CUL5: variants seen among roughly 807,000 people sequenced by gnomAD.
CUL5 encodes the protein cullin 5, also known as cullin-5.
A neutral mutation model predicts 108.8 loss-of-function variants in CUL5; 26 were observed. That is an observed-to-expected ratio of 0.24 (90% CI 0.18 to 0.33). The LOEUF is 0.33. CUL5 is among the 10% of genes least tolerant of loss of function. CUL5 has a pLI of 1.00. For synonymous variants in CUL5, 334 were observed against 298.0 expected (o/e 1.12, Z -1.25); for missense variants, 524 against 909.2 (o/e 0.58, Z 5.45).
chr11:108,071,853 C>G (rs2135184074), intron 8 of CUL5, among the ~76,000 whole-genome samples: 1 of 152,234 alleles, frequency 6.6e-6, no homozygotes, highest in South Asian at 2.1e-4. Flanking sequence ...CACACCCAGC[C>G]TGATCACTTT....
intron 2 of CUL5, among the ~76,000 whole-genome samples, chr11:108,038,917 T>C (rs1219481955): frequency 6.6e-6 from 1 of 152,136 alleles, no homozygotes; most frequent in East Asian, 1.9e-4. Flanking sequence ...TTTCTCCTAA[T>C]CTATATTCTT....
Position 108,081,024 on chromosome 11 carries a change from C to T in CUL5, c.1178+2784C>T, listed in dbSNP as rs562968702. On this transcript the variant is annotated intron_variant, in intron 11 of 18. Transcript: ENST00000393094. The stretch of plus-strand genomic sequence containing the variant: ...TTATAGGGCCGGGCACAGTGGCTCA[C>T]GCCTGTAATCCCAGCACTTTGGGAG... 5.3e-5 allele frequency among the ~76,000 whole-genome samples: 8 copies of T among 152,002 alleles called. 1 individual carries two copies. The highest frequency in any genetic ancestry group is 1.9e-4 in the African/African-American group (8 of 41,456).
chr11:108,074,915 C>CA (rs1412150456), intron 10 of CUL5, among the ~76,000 whole-genome samples: 2 of 152,140 alleles, frequency 1.3e-5, no homozygotes, highest in African/African-American at 2.4e-5. Context: ...GAGTAGCCTG[C>CA]AAAGGCTTCA....
intron 13 of CUL5, among the ~76,000 whole-genome samples, chr11:108,091,691 T>TCACACACACACACACACA: frequency 1.7e-5 from 1 of 59,852 alleles, no homozygotes; most frequent in African/African-American, 7.9e-5. Flanking sequence ...CCTGTCTCTC[T>TCACACACACACACACACA]CACTCACACA....
At chr11:108,056,216 A>G (rs906811439) in intron 7 of CUL5, among the ~76,000 whole-genome samples, 7 of 152,196 alleles carry the variant, frequency 4.6e-5, no homozygotes, top group African/African-American at 1.7e-4. Flanking sequence ...AATTGTTGAA[A>G]CACAACAATA....
In CUL5 at chr11:108,094,267, T is replaced by G. The variant is rs1864433218; in HGVS notation, c.1444-124T>G. 7.2e-5 allele frequency: 51 copies of G among 712,348 alleles called. No homozygotes were observed. The South Asian group carries it at 1.1e-3, about 15-fold the overall frequency. 44.1% of individuals were successfully genotyped at this position (712,348 alleles called of 1,614,324 possible). On this transcript the variant is annotated intron_variant, in intron 13 of 18. Transcript: ENST00000393094. ...TTTCATAGGTATTAGACAATAAAAT[T>G]CTAATAAATGAGAAAAATTTTGTAT...
At chr11:108,067,825 A>T (rs1863723762) in intron 7 of CUL5, among the ~76,000 whole-genome samples, 1 of 152,120 alleles carries the variant, frequency 6.6e-6, no homozygotes, top group Non-Finnish European at 1.5e-5. Context: ...TATTCCAGTG[A>T]TGTTATAGAA....
At chr11:108,064,715 A>G (rs1376434876) in intron 7 of CUL5, among the ~76,000 whole-genome samples, 2 of 152,136 alleles carry the variant, frequency 1.3e-5, no homozygotes, top group Admixed American at 6.5e-5. Flanking sequence ...GTCTCAAAAA[A>G]CAAAAACAAA....
Position 108,036,949 on chromosome 11 carries a change from A to T in CUL5, c.134+3038A>T, listed in dbSNP as rs150910216. Among the ~76,000 whole-genome samples the T allele has an allele frequency of 5.6e-3, 848 of 151,544 alleles. 4 individuals are homozygous for T. Among genetic ancestry groups the T allele is most frequent in the Non-Finnish European group, 9.0e-3 (610 of 67,842 alleles). On this transcript the variant is annotated intron_variant, in intron 2 of 18. Transcript: ENST00000393094. ...ACAGCTGGAGTGGTTCACTCTCCCC[A>T]CTCCTGTTTCTCCCCTAGTTTATCT... is the stretch of plus-strand genomic sequence containing the variant.
In CUL5 at chr11:108,105,422, G is replaced by T. The variant is rs963886171; in HGVS notation, c.*1038G>T. ...GATTTGTAGCCTCAGGTTTGAATCA[G>T]TCACCTAGGGGTAAGAGAAAAACCA... On this transcript the variant is annotated 3_prime_UTR_variant, in exon 19 of 19. Coordinates refer to ENST00000393094, the MANE Select transcript of CUL5 (RefSeq NM_003478.6). 15 of 152,438 alleles carry T rather than the reference G, an allele frequency of 9.8e-5. No homozygotes were observed. Among genetic ancestry groups the T allele is most frequent in the African/African-American group, 2.7e-4 (11 of 41,390 alleles). The allele number at this position is 152,438 out of a possible 1,614,324, so 9.4% of individuals were successfully genotyped here.
intron 14 of CUL5, 34 bp from the exon 15 acceptor site, chr11:108,094,778 A>T (rs368249929): frequency 2.1e-5 from 31 of 1,468,524 alleles, no homozygotes; most frequent in Non-Finnish European, 2.5e-5. Flanking sequence ...TCCATTGTTA[A>T]TTTACTTTAT....
At chr11:108,022,289 G>A (rs1392665618) in intron 1 of CUL5, among the ~76,000 whole-genome samples, 1 of 152,124 alleles carries the variant, frequency 6.6e-6, no homozygotes, top group Non-Finnish European at 1.5e-5. Context: ...TAAAGTAAGT[G>A]AATTATTTAA....
chr11:108,067,925 TTC>T (rs1863726648), intron 7 of CUL5, among the ~76,000 whole-genome samples: 1 of 151,880 alleles, frequency 6.6e-6, no homozygotes, highest in Non-Finnish European at 1.5e-5. Flanking sequence ...TTCTTTATTT[TTC>T]TTTTTTTTTT....
At chr11:108,082,195 T>C (rs1193487648) in intron 11 of CUL5, among the ~76,000 whole-genome samples, 4 of 152,110 alleles carry the variant, frequency 2.6e-5, no homozygotes, top group African/African-American at 9.7e-5. Flanking sequence ...GTAAATTGAA[T>C]TGCTCTTCCT....
At chr11:108,067,991 C>T (rs1863729006) in intron 7 of CUL5, among the ~76,000 whole-genome samples, 3 of 152,070 alleles carry the variant, frequency 2.0e-5, no homozygotes, top group Middle Eastern at 3.4e-3. Context: ...TGCAATGGCA[C>T]GATCTCGGCT....
chr11:108,011,819 G>C (rs7122356), intron 1 of CUL5, among the ~76,000 whole-genome samples: 38,779 of 152,002 alleles, frequency 0.26, 5,470 homozygotes, highest in African/African-American at 0.36. Flanking sequence ...GTAGAGACAG[G>C]GTTTCACCAT....
intron 12 of CUL5, among the ~76,000 whole-genome samples, 173 bp downstream of exon 12, chr11:108,088,832 A>AT: frequency 6.6e-6 from 1 of 151,968 alleles, no homozygotes; most frequent in Non-Finnish European, 1.5e-5. Flanking sequence ...CTTTCTGAAA[A>AT]TTTTTATTCT....
rs998562999 is a variant in CUL5, at chr11:108,009,078, T to C, written c.-271T>C. ...CCAAGTCAGGTCGGCTCCCGTTACCTTCTCAGCATTCGCCGTTCCGGTCTT... is the reference window on the plus strand; with the variant it reads ...CCAAGTCAGGTCGGCTCCCGTTACCCTCTCAGCATTCGCCGTTCCGGTCTT... On this transcript the variant is annotated 5_prime_UTR_variant, in exon 1 of 19. Coordinates refer to ENST00000393094, the MANE Select transcript of CUL5 (RefSeq NM_003478.6). The C allele has an allele frequency of 1.1e-5, 6 of 537,526 alleles. No individual in the cohort carries two copies. Among genetic ancestry groups the C allele is most frequent in the African/African-American group, 1.9e-5 (1 of 51,494 alleles). 33.3% of individuals were successfully genotyped at this position (537,526 alleles called of 1,614,324 possible). A position where few individuals can be genotyped will look rare whatever the true frequency, so the allele number is the denominator to read the frequency against.
At chr11:108,052,926 C>G in intron 5 of CUL5, 125 bp downstream of exon 5, 2 of 702,544 alleles carry the variant, frequency 2.8e-6, no homozygotes, top group Non-Finnish European at 4.3e-6. Flanking sequence ...GTACTAGATA[C>G]TTTTTTTGAG....
Sources: gnomAD v4.1 joint callset for allele counts (sites outside exome capture counted in the v4.1 genomes callset) on GRCh38, gnomAD v4.1.1 for gene constraint, MANE v1.5 for transcripts, NCBI Gene and HGNC (gene_info 2026-07-23, HGNC 2026-07-21) for gene names.